The following CDH13 variants were observed in gnomAD, a reference collection of about 807,000 sequenced individuals.
The protein encoded by CDH13 is cadherin-13.
Under a neutral mutation model 63.8 loss-of-function variants are expected in CDH13, and 24 were observed. The observed-to-expected ratio is 0.38, with a 90% confidence interval of 0.27 to 0.53. The LOEUF is 0.53. CDH13 is among the 20% of genes least tolerant of loss of function. The probability of loss-of-function intolerance (pLI) is 0.85; values close to 1 mark genes in which losing one functional copy is unlikely to be tolerated. For synonymous variants in CDH13, 503 were observed against 355.3 expected (o/e 1.42, Z -4.67); for missense variants, 1,049 against 903.1 (o/e 1.16, Z -2.07).
At chr16:82,720,134 C>G (rs568743172) in intron 1 of CDH13, among the ~76,000 whole-genome samples, 1 of 151,916 alleles carries the variant, frequency 6.6e-6, no homozygotes, top group Non-Finnish European at 1.5e-5. Context: ...GTAAGATAAT[C>G]GTTTGCTCAA....
intron 8 of CDH13, among the ~76,000 whole-genome samples, chr16:83,664,415 C>G (rs1272876193): frequency 1.3e-5 from 2 of 151,978 alleles, no homozygotes; most frequent in African/African-American, 4.8e-5. Flanking sequence ...AGACATCGGG[C>G]TTTCTTAAAA....
intron 7 of CDH13, among the ~76,000 whole-genome samples, chr16:83,590,065 C>A (rs1906583124): frequency 6.6e-6 from 1 of 152,178 alleles, no homozygotes; most frequent in South Asian, 2.1e-4. Context: ...CAGAATATAA[C>A]ACTGAGTGAG....
At chr16:83,117,001 G>C (rs1045396856) in intron 3 of CDH13, among the ~76,000 whole-genome samples, 1 of 152,176 alleles carries the variant, frequency 6.6e-6, no homozygotes, top group African/African-American at 2.4e-5. Flanking sequence ...AATCATCGTA[G>C]GACGATGAGC....
chr16:83,017,875 G>A (rs1343927619), intron 2 of CDH13, among the ~76,000 whole-genome samples: 1 of 152,308 alleles, frequency 6.6e-6, no homozygotes. Flanking sequence ...CTGCAGCTGG[G>A]TCATAAACCA....
intron 3 of CDH13, among the ~76,000 whole-genome samples, chr16:83,037,023 G>A (rs1431309449): frequency 1.3e-5 from 2 of 152,188 alleles, no homozygotes; most frequent in Admixed American, 6.5e-5. Flanking sequence ...TATGACAGGA[G>A]CTATGGAGCC....
At chr16:83,022,715 C>G (rs1915456856) in intron 2 of CDH13, among the ~76,000 whole-genome samples, 2 of 152,260 alleles carry the variant, frequency 1.3e-5, no homozygotes, top group South Asian at 4.1e-4. Flanking sequence ...CACACATGTA[C>G]AAGTGGAATC....
At chr16:82,636,883 C>T (rs9652693) in intron 1 of CDH13, among the ~76,000 whole-genome samples, 7,333 of 152,224 alleles carry the variant, frequency 0.048, 400 homozygotes, top group African/African-American at 0.13. Flanking sequence ...TAACAAGGGG[C>T]TCTTGCTACC....
chr16:83,302,671 A>G (rs1056792491), intron 5 of CDH13, among the ~76,000 whole-genome samples: 3 of 152,206 alleles, frequency 2.0e-5, no homozygotes, highest in Admixed American at 6.5e-5. Context: ...TAAGGAGCTC[A>G]TAGTCTAAGA....
intron 2 of CDH13, among the ~76,000 whole-genome samples, chr16:83,016,816 C>A (rs943825217): frequency 1.3e-5 from 2 of 148,640 alleles, no homozygotes; most frequent in Non-Finnish European, 3.0e-5. Context: ...GCTTTTGGAT[C>A]TTTTTGTACA....
intron 8 of CDH13, among the ~76,000 whole-genome samples, chr16:83,652,089 T>A (rs1380453848): frequency 6.6e-6 from 1 of 152,136 alleles, no homozygotes; most frequent in Non-Finnish European, 1.5e-5. Context: ...ACTCAGAAAC[T>A]CCATCAGCCA....
intron 2 of CDH13, among the ~76,000 whole-genome samples, chr16:83,006,404 C>A (rs538108833): frequency 6.6e-6 from 1 of 152,334 alleles, no homozygotes; most frequent in South Asian, 2.1e-4. Context: ...ACACAACTTA[C>A]TTTCCCCCAG....
At chr16:82,833,896 A>G (rs1413382712) in intron 1 of CDH13, among the ~76,000 whole-genome samples, 1 of 152,224 alleles carries the variant, frequency 6.6e-6, no homozygotes, top group Non-Finnish European at 1.5e-5. Context: ...GAGCAGATGC[A>G]TAATAATGCT....
intron 1 of CDH13, among the ~76,000 whole-genome samples, chr16:82,756,836 T>G (rs1477061168): frequency 1.3e-5 from 2 of 152,186 alleles, no homozygotes; most frequent in Non-Finnish European, 2.9e-5. Context: ...CTGTCACCAA[T>G]GCATGACTAT....
chr16:83,049,199 C>T (rs763654030), intron 3 of CDH13, among the ~76,000 whole-genome samples: 1 of 151,952 alleles, frequency 6.6e-6, no homozygotes. Context: ...GTTCTGTTAA[C>T]CCAAAAGGAA....
chr16:83,077,101 C>T (rs1315159180), intron 3 of CDH13, among the ~76,000 whole-genome samples: 1 of 149,784 alleles, frequency 6.7e-6, no homozygotes, highest in African/African-American at 2.5e-5. Context: ...TGAATGAAAT[C>T]GTATGGTATA....
chr16:82,719,308 A>G, intron 1 of CDH13: 1 of 453,810 alleles, frequency 2.2e-6, no homozygotes. Context: ...GTGGAGATGC[A>G]CTGTTACTAA....
intron 5 of CDH13, among the ~76,000 whole-genome samples, chr16:83,231,003 A>G (rs1443567035): frequency 6.6e-6 from 1 of 152,238 alleles, no homozygotes; most frequent in Non-Finnish European, 1.5e-5. Flanking sequence ...CTTTGTCCAC[A>G]TGCCTTCATC....
intron 9 of CDH13, among the ~76,000 whole-genome samples, chr16:83,673,288 A>G (rs1443878642): frequency 1.3e-5 from 2 of 152,234 alleles, no homozygotes; most frequent in Admixed American, 6.5e-5. Context: ...AGCACATTGC[A>G]GTCAAGAAAT....
chr16:83,705,644 A>T (rs1275519711), intron 10 of CDH13, among the ~76,000 whole-genome samples: 1 of 152,196 alleles, frequency 6.6e-6, no homozygotes, highest in Admixed American at 6.5e-5. Context: ...AAAGAATGAT[A>T]TTAGCAGGAA....
Sources: allele counts gnomAD v4.1 joint callset (sites outside exome capture counted in the v4.1 genomes callset), GRCh38; gene constraint gnomAD v4.1.1; transcripts MANE v1.5; gene names NCBI Gene and HGNC (gene_info 2026-07-23, HGNC 2026-07-21).